Variants in ABHD18 observed in about 807,000 individuals in gnomAD.
ABHD18 encodes cardiolipin-specific deacylase, mitochondrial.
A neutral mutation model predicts 65.9 loss-of-function variants in ABHD18; 55 were observed. The observed-to-expected ratio is 0.84, with a 90% CI of 0.67 to 1.05. The LOEUF is 1.05. Ranked by LOEUF, ABHD18 falls within the 50% of genes least tolerant of loss-of-function variation. ABHD18 has a pLI of 0.00. For synonymous variants in ABHD18, 181 were observed against 180.2 expected (o/e 1.00, Z -0.04); for missense variants, 533 against 558.5 (o/e 0.95, Z 0.46).
intron 10 of ABHD18, among the ~76,000 whole-genome samples, chr4:128,023,871 G>A (rs1251251705): frequency 3.9e-5 from 6 of 152,278 alleles, no homozygotes; most frequent in Admixed American, 2.6e-4. Context: ...GCAACAGAGC[G>A]AGACTCCGTC....
intron 1 of ABHD18, among the ~76,000 whole-genome samples, 164 bp from the exon 2 acceptor site, chr4:127,982,775 A>G (rs559035194): frequency 2.0e-5 from 3 of 152,282 alleles, no homozygotes; most frequent in South Asian, 4.1e-4. Context: ...TCTATTTTCA[A>G]CTCAGCTCTT....
intron 7 of ABHD18, among the ~76,000 whole-genome samples, chr4:128,017,140 A>G (rs1258786968): frequency 6.6e-6 from 1 of 151,202 alleles, no homozygotes; most frequent in Admixed American, 6.6e-5. Flanking sequence ...CTTGTCTTGA[A>G]CTCCTGACCT....
In ABHD18 at chr4:128,020,057, G is replaced by A. The variant is rs375484020; in HGVS notation, c.610-23G>A. On this transcript the variant is annotated intron_variant, in intron 8 of 12. Transcript: ENST00000645843. Reference sequence around the variant, plus strand: ...TAATGAATAGAAACTCTAAATAGACGCTCTCTATCTGTTATATTACAGATG... The same window carrying A: ...TAATGAATAGAAACTCTAAATAGACACTCTCTATCTGTTATATTACAGATG... The A allele has an allele frequency of 2.5e-5, 37 of 1,492,566 alleles. No individual in the cohort carries two copies. The East Asian group carries it at 3.4e-4, about 14-fold the overall frequency. 92.5% of individuals were successfully genotyped at this position (1,492,566 alleles called of 1,614,324 possible).
Position 127,984,491 on chromosome 4 carries a change from A to G in ABHD18, c.177+68A>G, listed in dbSNP as rs527800054. 8 of 853,984 alleles carry G rather than the reference A, an allele frequency of 9.4e-6. No individual in the cohort carries two copies. In the East Asian group the frequency reaches 2.2e-4, roughly 24 times the overall value. The allele number at this position is 853,984 out of a possible 1,614,324, so 52.9% of individuals were successfully genotyped here. A position where few individuals can be genotyped will look rare whatever the true frequency, so the allele number is the denominator to read the frequency against. On this transcript the variant is annotated intron_variant, in intron 3 of 12. Transcript: ENST00000645843. ...ACATAAATATGTCTAAGAATAGATTACATATTGGAGTATAACAACAATAAA... is the reference window on the plus strand; with the variant it reads ...ACATAAATATGTCTAAGAATAGATTGCATATTGGAGTATAACAACAATAAA...
intron 7 of ABHD18, among the ~76,000 whole-genome samples, chr4:128,014,273 G>A (rs1010636710): frequency 1.3e-5 from 2 of 152,052 alleles, no homozygotes; most frequent in Admixed American, 6.6e-5. Context: ...AGCATCCACC[G>A]CGCCCAGCTG....
intron 1 of ABHD18, among the ~76,000 whole-genome samples, chr4:127,970,589 C>CAAA (rs375709595): frequency 7.3e-5 from 4 of 54,590 alleles, no homozygotes; most frequent in Non-Finnish European, 1.1e-4. Flanking sequence ...AACTCTGTCT[C>CAAA]AAAAAAAAAA....
intron 9 of ABHD18, among the ~76,000 whole-genome samples, chr4:128,020,831 C>G (rs998181666): frequency 1.3e-5 from 2 of 152,006 alleles, no homozygotes; most frequent in Admixed American, 1.3e-4. Context: ...GTCAGGAGTT[C>G]AAGACCAGCC....
Position 127,984,422 on chromosome 4 carries a change from AG to A in ABHD18, c.177+1del. On this transcript the variant is annotated frameshift_variant and splice_region_variant, in exon 3 of 13. Coordinates refer to ENST00000645843, the MANE Select transcript of ABHD18 (RefSeq NM_001358451.3). LOFTEE classifies it high-confidence loss of function. The part of the protein sequence containing the change: ...VSSDYPVHID[K>X]IEEQSDCKIL... ...AGCGATTATCCAGTACACATTGATA[AG>A]GTATTCAAATGAGAGAAACACAGTT... 1.3e-6 allele frequency: 2 copies of A among 1,505,762 alleles called. No homozygotes were observed. Among genetic ancestry groups the A allele is most frequent in the Middle Eastern group, 3.4e-4 (2 of 5,834 alleles). The allele number at this position is 1,505,762 out of a possible 1,614,324, so 93.3% of individuals were successfully genotyped here.
intron 3 of ABHD18, 55 bp downstream of exon 3, chr4:127,984,478 C>A: frequency 1.0e-6 from 1 of 994,964 alleles, no homozygotes; most frequent in Non-Finnish European, 1.5e-6. Flanking sequence ...ATAAATATGT[C>A]TAAGAATAGA....
Position 127,965,422 on chromosome 4 carries a change from C to G in ABHD18, c.-202C>G, listed in dbSNP as rs905505378. On this transcript the variant is annotated 5_prime_UTR_variant, in exon 1 of 13. Coordinates refer to ENST00000645843, the MANE Select transcript of ABHD18 (RefSeq NM_001358451.3). ...GGCGTGTCCAAACTGCCGCGCCGCC[C>G]TGCTCCGGGTTTGTCTTCCTCCCTC... The G allele has an allele frequency of 4.5e-5, 25 of 560,368 alleles. No individual in the cohort carries two copies. The highest frequency in any genetic ancestry group is 6.8e-5 in the Non-Finnish European group (21 of 309,964). 34.7% of individuals were successfully genotyped at this position (560,368 alleles called of 1,614,324 possible).
intron 1 of ABHD18, among the ~76,000 whole-genome samples, 193 bp from the exon 2 acceptor site, chr4:127,982,746 T>G (rs1174499129): frequency 6.6e-6 from 1 of 152,138 alleles, no homozygotes; most frequent in Non-Finnish European, 1.5e-5. Context: ...TTCAGTGAAG[T>G]TCAAAGGTGT....
In ABHD18 at chr4:127,984,342, C is replaced by A; in HGVS notation, c.96C>A (p.Leu32=). Residue 32 remains leucine (L), a synonymous_variant, in exon 3 of 13, where the codon CTC becomes CTA. Coordinates refer to ENST00000645843, the MANE Select transcript of ABHD18 (RefSeq NM_001358451.3). ...TTTGTCTTCTTTCCCATAATAGACT[C>A]TTTGAATTCAGAAAGATGATTGGAA... The part of the protein sequence containing the change: ...GWGRPEDLKR[L]FEFRKMIGNR... 1.3e-6 allele frequency: 2 copies of A among 1,547,130 alleles called. No individual in the cohort carries two copies. The highest frequency in any genetic ancestry group is 1.7e-6 in the Non-Finnish European group (2 of 1,143,380).
intron 8 of ABHD18, among the ~76,000 whole-genome samples, chr4:128,018,047 G>T (rs1477408764): frequency 6.6e-6 from 1 of 152,034 alleles, no homozygotes; most frequent in Non-Finnish European, 1.5e-5. Context: ...GTGCACACTG[G>T]GCTCCAGCTG....
At chr4:128,031,298 CAAAA>C (rs547911818) in intron 12 of ABHD18, 4 of 64,710 alleles carry the variant, frequency 6.2e-5, no homozygotes, top group Non-Finnish European at 1.0e-4. Flanking sequence ...AGTAAAAATA[CAAAA>C]AAAAAAAAAA....
chr4:128,013,256 A>G (rs1238009629), intron 7 of ABHD18, among the ~76,000 whole-genome samples: 1 of 152,074 alleles, frequency 6.6e-6, no homozygotes, highest in Non-Finnish European at 1.5e-5. Flanking sequence ...AGAGAAAACA[A>G]ATAGGAAGCT....
At chr4:127,990,698 TAAGTA>T (rs1448693668) in intron 4 of ABHD18, among the ~76,000 whole-genome samples, 5 of 152,212 alleles carry the variant, frequency 3.3e-5, no homozygotes, top group Non-Finnish European at 5.9e-5. Context: ...ACAGTTCAGC[TAAGTA>T]AAGTGCCTCA....
chr4:127,999,897 C>G (rs1307847338), intron 4 of ABHD18, among the ~76,000 whole-genome samples: 14 of 152,130 alleles, frequency 9.2e-5, no homozygotes, highest in African/African-American at 2.4e-5. Context: ...TAAAGACATA[C>G]CCAATACTGG....
chr4:128,039,113 T>C lies in ABHD18; in HGVS notation c.*3300T>C, dbSNP rs898685992. The stretch of plus-strand genomic sequence containing the variant: ...ATGTGTGTATATATATGTATGTACG[T>C]ATATATATGTATTATATATACACAC... On this transcript the variant is annotated 3_prime_UTR_variant, in exon 13 of 13. Transcript: ENST00000645843. 1.4e-5 allele frequency: 2 copies of C among 143,486 alleles called. No individual in the cohort carries two copies. The highest frequency in any genetic ancestry group is 1.4e-4 in the Admixed American group (2 of 14,116). 8.9% of individuals were successfully genotyped at this position (143,486 alleles called of 1,614,324 possible).
intron 4 of ABHD18, among the ~76,000 whole-genome samples, chr4:127,995,893 A>T (rs1165214266): frequency 6.6e-6 from 1 of 152,224 alleles, no homozygotes; most frequent in Non-Finnish European, 1.5e-5. Context: ...GGCTATAAAA[A>T]ATTCTTTGTA....
Sources: gnomAD v4.1 joint callset for allele counts (sites outside exome capture counted in the v4.1 genomes callset) on GRCh38, gnomAD v4.1.1 for gene constraint, MANE v1.5 for transcripts, NCBI Gene and HGNC (gene_info 2026-07-23, HGNC 2026-07-21) for gene names.